PRKD3: variants seen among roughly 807,000 people sequenced by gnomAD.
The protein encoded by PRKD3 is protein kinase D3.
Under a neutral mutation model 99.2 loss-of-function variants are expected in PRKD3, and 47 were observed. The observed-to-expected ratio is 0.47, with a 90% CI of 0.38 to 0.60. The LOEUF (loss-of-function observed/expected upper bound fraction) is 0.60, where lower values mean the gene tolerates loss of function less well. PRKD3 is among the 20% of genes least tolerant of loss of function. PRKD3 has a pLI of 0.00. For missense variants in PRKD3, 1,019 were observed against 1,088.4 expected (o/e 0.94, Z 0.90); for synonymous variants, 392 against 355.4 (o/e 1.10, Z -1.16).
chr2:37,314,078 T>C (rs1307004576), intron 2 of PRKD3, among the ~76,000 whole-genome samples: 2 of 152,164 alleles, frequency 1.3e-5, no homozygotes, highest in African/African-American at 2.4e-5. Context: ...AAATCTACAA[T>C]TGTAGTTGAG....
chr2:37,271,639 T>A (rs1053684020), intron 12 of PRKD3, among the ~76,000 whole-genome samples: 1 of 152,228 alleles, frequency 6.6e-6, no homozygotes, highest in Non-Finnish European at 1.5e-5. Flanking sequence ...GCAGAGGCAT[T>A]AGATTCTCAG....
chr2:37,308,004 G>A (rs1426533319), intron 2 of PRKD3, among the ~76,000 whole-genome samples: 1 of 152,098 alleles, frequency 6.6e-6, no homozygotes, highest in Non-Finnish European at 1.5e-5. Context: ...CCCCCATACT[G>A]CGAACGCCAA....
At chr2:37,259,728 T>C in intron 15 of PRKD3, 47 bp from the exon 16 acceptor site, 1 of 1,330,768 alleles carries the variant, frequency 7.5e-7, no homozygotes, top group Non-Finnish European at 1.1e-6. Context: ...AAATCACAAG[T>C]AAACCTCATG....
At chr2:37,322,005 A>C (rs1671904696) in intron 1 of PRKD3, among the ~76,000 whole-genome samples, 1 of 152,216 alleles carries the variant, frequency 6.6e-6, no homozygotes, top group Non-Finnish European at 1.5e-5. Flanking sequence ...TATTTATTAT[A>C]ACATGAATTC....
intron 2 of PRKD3, among the ~76,000 whole-genome samples, chr2:37,298,299 A>T (rs1037447133): frequency 9.9e-5 from 15 of 152,124 alleles, no homozygotes; most frequent in African/African-American, 3.1e-4. Context: ...CCAAATACAC[A>T]TGAATGTATC....
intron 3 of PRKD3, among the ~76,000 whole-genome samples, chr2:37,292,003 TGGC>T (rs1277994861): frequency 6.6e-6 from 1 of 152,098 alleles, no homozygotes; most frequent in East Asian, 1.9e-4. Context: ...AAACAACGTA[TGGC>T]AAGAATGCGT....
chr2:37,262,888 G>T (rs1021674240), intron 14 of PRKD3, among the ~76,000 whole-genome samples: 1 of 147,672 alleles, frequency 6.8e-6, no homozygotes, highest in Non-Finnish European at 1.5e-5. Context: ...AGTATCCTAA[G>T]ATTCCTTCCC....
Position 37,284,783 on chromosome 2 carries a change from T to TTAC in PRKD3, c.910+1393_910+1394insGTA, listed in dbSNP as rs543794568. ...ATACACTGTCAAGAAAAGCTTTATT[T>TTAC]TATTATTATTATTATTTTTTAATTA... On this transcript the variant is annotated intron_variant, in intron 6 of 18. Transcript: ENST00000234179. 4.9e-4 allele frequency among the ~76,000 whole-genome samples: 74 copies of TTAC among 152,124 alleles called. No homozygotes were observed. In the South Asian group the frequency reaches 0.015, roughly 31 times the overall value.
At chr2:37,256,136 T>C (rs1667916296) in intron 17 of PRKD3, among the ~76,000 whole-genome samples, 1 of 152,148 alleles carries the variant, frequency 6.6e-6, no homozygotes, top group African/African-American at 2.4e-5. Flanking sequence ...CGAATTTTAA[T>C]AGGAAGGATT....
At chr2:37,314,118 A>G (rs1392015387) in intron 2 of PRKD3, among the ~76,000 whole-genome samples, 2 of 152,204 alleles carry the variant, frequency 1.3e-5, no homozygotes, top group African/African-American at 4.8e-5. Context: ...TCGAGAAAAG[A>G]TAAGAGAAAG....
chr2:37,322,918 T>C (rs1671946021), intron 1 of PRKD3, among the ~76,000 whole-genome samples: 1 of 152,156 alleles, frequency 6.6e-6, no homozygotes, highest in Admixed American at 6.5e-5. Context: ...GTACAAGCAG[T>C]TTCTTTTAAA....
intron 12 of PRKD3, among the ~76,000 whole-genome samples, chr2:37,271,596 A>C (rs1262361047): frequency 6.6e-6 from 1 of 152,170 alleles, no homozygotes; most frequent in Non-Finnish European, 1.5e-5. Flanking sequence ...GTTAGCAAGC[A>C]TTACTGCCCA....
At chr2:37,278,106 G>C (rs1255635871) in intron 8 of PRKD3, 117 bp from the exon 9 acceptor site, 2 of 743,412 alleles carry the variant, frequency 2.7e-6, no homozygotes, top group Non-Finnish European at 3.9e-6. Context: ...AAATATCTTA[G>C]TAAAATAAAC....
intron 2 of PRKD3, among the ~76,000 whole-genome samples, chr2:37,294,910 G>A (rs1323161186): frequency 6.6e-6 from 1 of 152,046 alleles, no homozygotes. Flanking sequence ...CCCTGTCTCT[G>A]ATAAAAATAC....
intron 17 of PRKD3, among the ~76,000 whole-genome samples, chr2:37,255,131 ACT>A (rs1432332034): frequency 6.6e-6 from 1 of 152,244 alleles, no homozygotes; most frequent in East Asian, 1.9e-4. Context: ...TACAGAACAC[ACT>A]GCCTCAGGAG....
chr2:37,277,802 A>G lies in PRKD3; in HGVS notation c.1296+64T>C, dbSNP rs996217816. 4 of 1,526,064 alleles carry G rather than the reference A, an allele frequency of 2.6e-6. No individual in the cohort carries two copies. In the African/African-American group the frequency reaches 5.5e-5, roughly 21 times the overall value. 94.5% of individuals were successfully genotyped at this position (1,526,064 alleles called of 1,614,324 possible). A position where few individuals can be genotyped will look rare whatever the true frequency, so the allele number is the denominator to read the frequency against. On this transcript the variant is annotated intron_variant, in intron 9 of 18. Transcript: ENST00000234179. ...ATCTCATCATCATTTTGATTTAAAAAATGCACAGAATGAAACTCATAACAA... is the reference window on the plus strand; with the variant it reads ...ATCTCATCATCATTTTGATTTAAAAGATGCACAGAATGAAACTCATAACAA...
At chr2:37,283,694 T>C (rs1054054485) in intron 6 of PRKD3, among the ~76,000 whole-genome samples, 5 of 152,048 alleles carry the variant, frequency 3.3e-5, no homozygotes, top group African/African-American at 9.7e-5. Context: ...CATTTTCCCT[T>C]TGAAAACTCA....
At chr2:37,262,170 T>C (rs914392222) in intron 14 of PRKD3, among the ~76,000 whole-genome samples, 3 of 152,198 alleles carry the variant, frequency 2.0e-5, no homozygotes, top group Admixed American at 1.3e-4. Flanking sequence ...TTTTCCTTAA[T>C]ATGGCTAGCT....
At chr2:37,264,854 G>C (rs913347269) in intron 14 of PRKD3, among the ~76,000 whole-genome samples, 1 of 152,108 alleles carries the variant, frequency 6.6e-6, no homozygotes, top group African/African-American at 2.4e-5. Context: ...AAAATGGGAT[G>C]TGCTCATTTC....
Sources: allele counts gnomAD v4.1 joint callset (sites outside exome capture counted in the v4.1 genomes callset), GRCh38; gene constraint gnomAD v4.1.1; transcripts MANE v1.5; gene names NCBI Gene and HGNC (gene_info 2026-07-23, HGNC 2026-07-21).